Variants in AUH observed in about 807,000 individuals in gnomAD.
AUH encodes the protein AU RNA binding methylglutaconyl-CoA hydratase, also known as methylglutaconyl-CoA hydratase, mitochondrial.
A neutral mutation model predicts 42.3 loss-of-function variants in AUH; 29 were observed. That is an observed-to-expected ratio of 0.69 (90% CI 0.51 to 0.93). The LOEUF (loss-of-function observed/expected upper bound fraction) is 0.93, where lower values mean the gene tolerates loss of function less well. Ranked by LOEUF, AUH falls within the 40% of genes least tolerant of loss-of-function variation. The pLI is 0.00. For missense variants in AUH, 452 were observed against 438.1 expected (o/e 1.03, Z -0.28); for synonymous variants, 174 against 166.4 (o/e 1.05, Z -0.35).
intron 6 of AUH, among the ~76,000 whole-genome samples, chr9:91,224,800 A>G (rs936997501): frequency 1.3e-5 from 2 of 152,178 alleles, no homozygotes; most frequent in African/African-American, 2.4e-5. Context: ...TGAATTATAT[A>G]TATTTTTACA....
At chr9:91,341,409 C>G (rs758897261) in intron 3 of AUH, among the ~76,000 whole-genome samples, 19 of 152,204 alleles carry the variant, frequency 1.2e-4, no homozygotes, top group Non-Finnish European at 1.2e-4. Context: ...GGGAACACAT[C>G]AAAGCCATAT....
intron 6 of AUH, among the ~76,000 whole-genome samples, chr9:91,269,775 C>G (rs1442001543): frequency 6.6e-6 from 1 of 152,168 alleles, no homozygotes; most frequent in Non-Finnish European, 1.5e-5. Flanking sequence ...ACACAGCATC[C>G]AGTCACCAAT....
intron 6 of AUH, among the ~76,000 whole-genome samples, chr9:91,248,600 C>A (rs527389157): frequency 6.6e-6 from 1 of 152,092 alleles, no homozygotes; most frequent in Non-Finnish European, 1.5e-5. Context: ...ATAACTAGTA[C>A]GTAAATCTTA....
intron 3 of AUH, among the ~76,000 whole-genome samples, chr9:91,332,049 T>C (rs748064151): frequency 5.3e-5 from 8 of 152,240 alleles, no homozygotes; most frequent in Non-Finnish European, 7.3e-5. Context: ...TATGCTGACA[T>C]TTGAAATTTT....
Position 91,214,309 on chromosome 9 carries a change from A to C in AUH, c.*39T>G. Reference sequence around the variant, plus strand: ...GATCCGAAAGACACTTCCAGGAAGTACATTTATTACATTGGCATCTTAAGA... The same window carrying C: ...GATCCGAAAGACACTTCCAGGAAGTCCATTTATTACATTGGCATCTTAAGA... On this transcript the variant is annotated 3_prime_UTR_variant, in exon 10 of 10. Coordinates refer to ENST00000375731, the MANE Select transcript of AUH (RefSeq NM_001698.3). The C allele has an allele frequency of 6.5e-7, 1 of 1,532,828 alleles. No homozygotes were observed. The highest frequency in any genetic ancestry group is 1.1e-5 in the South Asian group (1 of 87,098). 95.0% of individuals were successfully genotyped at this position (1,532,828 alleles called of 1,614,324 possible). A position where few individuals can be genotyped will look rare whatever the true frequency, so the allele number is the denominator to read the frequency against.
intron 6 of AUH, among the ~76,000 whole-genome samples, chr9:91,260,018 T>G (rs575264222): frequency 1.4e-4 from 22 of 152,278 alleles, no homozygotes; most frequent in Admixed American, 1.2e-3. Flanking sequence ...GTTGATTTAT[T>G]TATTTTTCCT....
chr9:91,332,869 C>T (rs886511215), intron 3 of AUH, among the ~76,000 whole-genome samples: 3 of 152,154 alleles, frequency 2.0e-5, no homozygotes, highest in African/African-American at 4.8e-5. Flanking sequence ...CAGCCCTCTG[C>T]TGTCAAAGGT....
At chr9:91,286,949 TAC>T (rs1054396221) in intron 6 of AUH, among the ~76,000 whole-genome samples, 1 of 152,060 alleles carries the variant, frequency 6.6e-6, no homozygotes, top group African/African-American at 2.4e-5. Context: ...ACCCCATATA[TAC>T]ACACACACTA....
intron 6 of AUH, among the ~76,000 whole-genome samples, chr9:91,277,584 T>C (rs886226456): frequency 6.6e-6 from 1 of 152,030 alleles, no homozygotes; most frequent in African/African-American, 2.4e-5. Context: ...AGGGAAAAAA[T>C]CTATGTATGT....
intron 1 of AUH, among the ~76,000 whole-genome samples, chr9:91,358,183 G>A (rs548164508): frequency 2.6e-5 from 4 of 152,358 alleles, no homozygotes; most frequent in African/African-American, 9.6e-5. Context: ...GTGTTAAGGA[G>A]TATTTACCAG....
intron 6 of AUH, among the ~76,000 whole-genome samples, chr9:91,227,093 G>A (rs963120626): frequency 6.6e-6 from 1 of 151,400 alleles, no homozygotes; most frequent in Admixed American, 6.6e-5. Context: ...GTAAAGAAAG[G>A]CATTGGTAGC....
intron 6 of AUH, among the ~76,000 whole-genome samples, chr9:91,235,407 T>C (rs1447890348): frequency 6.6e-6 from 1 of 152,150 alleles, no homozygotes; most frequent in African/African-American, 2.4e-5. Context: ...AGCCTGAGTG[T>C]GTGAGTGTCC....
intron 6 of AUH, among the ~76,000 whole-genome samples, chr9:91,257,785 T>C (rs1012240061): frequency 1.1e-4 from 16 of 152,206 alleles, no homozygotes; most frequent in African/African-American, 3.9e-4. Flanking sequence ...CACCTTGCCA[T>C]TGTACACAAA....
intron 4 of AUH, among the ~76,000 whole-genome samples, chr9:91,319,592 G>A (rs1179091965): frequency 1.3e-5 from 2 of 152,168 alleles, no homozygotes; most frequent in Non-Finnish European, 2.9e-5. Context: ...TCAGGAGCTG[G>A]GCAAGTGCAG....
intron 3 of AUH, among the ~76,000 whole-genome samples, chr9:91,354,167 T>G (rs58543156): frequency 0.026 from 3,782 of 146,188 alleles, 76 homozygotes; most frequent in East Asian, 0.07. Context: ...AAAGTCCGTC[T>G]CAAAAAAAAA....
At chr9:91,319,451 G>A (rs951399637) in intron 4 of AUH, among the ~76,000 whole-genome samples, 6 of 152,102 alleles carry the variant, frequency 3.9e-5, no homozygotes, top group East Asian at 1.9e-4. Context: ...ATTGTCAGGC[G>A]GCTGTTAACT....
chr9:91,291,315 G>C (rs1308020641), intron 6 of AUH, among the ~76,000 whole-genome samples: 1 of 151,696 alleles, frequency 6.6e-6, no homozygotes, highest in Non-Finnish European at 1.5e-5. Flanking sequence ...TGTTGGGGGG[G>C]TGGGGGTGGA....
intron 3 of AUH, among the ~76,000 whole-genome samples, chr9:91,327,604 G>A (rs1021968311): frequency 2.0e-5 from 3 of 152,080 alleles, no homozygotes; most frequent in Non-Finnish European, 4.4e-5. Flanking sequence ...TGGTGTCCAC[G>A]CACCTCATTC....
intron 3 of AUH, among the ~76,000 whole-genome samples, chr9:91,333,364 G>C (rs956669991): frequency 6.6e-6 from 1 of 151,860 alleles, no homozygotes; most frequent in Non-Finnish European, 1.5e-5. Context: ...AACAAAATGT[G>C]TATGCAAATT....
Sources: gnomAD v4.1 joint callset for allele counts (sites outside exome capture counted in the v4.1 genomes callset) on GRCh38, gnomAD v4.1.1 for gene constraint, MANE v1.5 for transcripts, NCBI Gene and HGNC (gene_info 2026-07-23, HGNC 2026-07-21) for gene names.